The following VPS53 variants were observed in gnomAD, a reference collection of about 807,000 sequenced individuals.
VPS53 encodes vacuolar protein sorting-associated protein 53 homolog.
Under a neutral mutation model 107.0 loss-of-function variants are expected in VPS53, and 70 were observed. The observed-to-expected ratio is 0.65, with a 90% CI of 0.54 to 0.80. The LOEUF (loss-of-function observed/expected upper bound fraction) is 0.80, where lower values mean the gene tolerates loss of function less well. Among genes scored for constraint, VPS53 ranks in the 30% least tolerant of loss-of-function variants. The probability of loss-of-function intolerance (pLI) is 0.00; values close to 1 mark genes in which losing one functional copy is unlikely to be tolerated. For missense variants in VPS53, 917 were observed against 1,049.4 expected, an observed-to-expected ratio of 0.87 and a Z score of 1.74; for synonymous variants, 409 against 393.3, an observed-to-expected ratio of 1.04 and a Z score of -0.47.
At chr17:541,431 C>G (rs1910634662) in intron 17 of VPS53, among the ~76,000 whole-genome samples, 1 of 149,934 alleles carries the variant, frequency 6.7e-6, no homozygotes, top group African/African-American at 2.5e-5. Flanking sequence ...TATCAAGCAC[C>G]TACCATGCAC....
Position 512,801 on chromosome 17 carries a change from T to TA in VPS53, c.*6326dup. ...CTCATGCGTGCAGGAGAGAAATCAC[T>TA]AAAGGACACAAGACTTCCCAAAGAG... is the stretch of plus-strand genomic sequence containing the variant. On this transcript the variant is annotated 3_prime_UTR_variant, in exon 22 of 22. Transcript: ENST00000437048. 1 of 151,608 alleles carries TA rather than the reference T, an allele frequency of 6.6e-6. No homozygotes were observed. Among genetic ancestry groups the TA allele is most frequent in the Middle Eastern group, 3.4e-3 (1 of 292 alleles). The allele number at this position is 151,608 out of a possible 1,614,324, so 9.4% of individuals were successfully genotyped here. A position where few individuals can be genotyped will look rare whatever the true frequency, so the allele number is the denominator to read the frequency against.
chr17:634,460 T>C (rs939728412), intron 7 of VPS53, among the ~76,000 whole-genome samples: 4 of 152,024 alleles, frequency 2.6e-5, no homozygotes, highest in African/African-American at 4.8e-5. Context: ...GTTCGTTACA[T>C]ATGTATACAT....
rs778169375 is a variant in VPS53 at position 627,259 on chromosome 17, C to A, written c.889G>T (p.Asp297Tyr). Reference sequence around the variant, plus strand: ...ATGCGGCCGTATTTCTCCTCATAGTCCACAAGCTGGCGTTTTATCCAGGCA... The same window carrying A: ...ATGCGGCCGTATTTCTCCTCATAGTACACAAGCTGGCGTTTTATCCAGGCA... ...RYAWIKRQLVDYEEKYGRMFP... is the reference protein window; with the variant it reads ...RYAWIKRQLVYYEEKYGRMFP... The change falls in exon 10 of 22, where the codon GAC (aspartate) becomes TAC (tyrosine). Residue 297 changes from aspartate to tyrosine, a missense_variant. By Grantham distance (160) the Asp-to-Tyr change is radical (BLOSUM62 -3). Coordinates refer to ENST00000437048, the MANE Select transcript of VPS53 (RefSeq NM_001128159.3). The A allele has an allele frequency of 3.1e-6, 5 of 1,614,058 alleles. No homozygotes were observed. Among genetic ancestry groups the A allele is most frequent in the Non-Finnish European group, 3.4e-6 (4 of 1,180,004 alleles).
At chr17:600,349 T>C (rs1968272346) in intron 12 of VPS53, among the ~76,000 whole-genome samples, 1 of 152,202 alleles carries the variant, frequency 6.6e-6, no homozygotes, top group Non-Finnish European at 1.5e-5. Context: ...CAAAGCATGC[T>C]CACAGGGCAG....
At chr17:586,408 T>C (rs770282433) in intron 12 of VPS53, 44 bp from the exon 13 acceptor site, 2 of 1,576,454 alleles carry the variant, frequency 1.3e-6, no homozygotes, top group South Asian at 2.2e-5. Flanking sequence ...GAGTGATCTT[T>C]GCAAATGTTC....
intron 7 of VPS53, among the ~76,000 whole-genome samples, chr17:650,276 C>G (rs1376786202): frequency 6.6e-6 from 1 of 152,070 alleles, no homozygotes; most frequent in Non-Finnish European, 1.5e-5. Context: ...AGGAGGATCA[C>G]TTGAGCCCAG....
At chr17:615,056 G>A (rs1175234127) in intron 11 of VPS53, among the ~76,000 whole-genome samples, 1 of 152,196 alleles carries the variant, frequency 6.6e-6, no homozygotes, top group East Asian at 1.9e-4. Flanking sequence ...TGCTCACCTT[G>A]AATCTAATCA....
At chr17:609,283 G>A (rs924731225) in intron 11 of VPS53, among the ~76,000 whole-genome samples, 8 of 152,042 alleles carry the variant, frequency 5.3e-5, no homozygotes, top group Non-Finnish European at 1.0e-4. Context: ...TCTTTCACTC[G>A]GCATGGTGTG....
chr17:554,380 C>T (rs910523841), intron 15 of VPS53, among the ~76,000 whole-genome samples: 5 of 152,194 alleles, frequency 3.3e-5, no homozygotes, highest in African/African-American at 4.8e-5. Flanking sequence ...AAACCTATTA[C>T]ACAAACTCTA....
intron 13 of VPS53, among the ~76,000 whole-genome samples, chr17:570,102 C>A (rs1046463504): frequency 1.3e-5 from 2 of 151,994 alleles, no homozygotes; most frequent in Non-Finnish European, 2.9e-5. Flanking sequence ...CGTGGTAGCT[C>A]ACGCCTGTAA....
At chr17:644,160 C>A (rs1020940175) in intron 7 of VPS53, among the ~76,000 whole-genome samples, 1 of 152,206 alleles carries the variant, frequency 6.6e-6, no homozygotes, top group Non-Finnish European at 1.5e-5. Flanking sequence ...AAACTCTTTC[C>A]TCCAATGCTA....
At chr17:597,870 A>AT (rs925214482) in intron 12 of VPS53, among the ~76,000 whole-genome samples, 16 of 148,134 alleles carry the variant, frequency 1.1e-4, no homozygotes, top group East Asian at 6.0e-4. Context: ...ATTCCCGGCC[A>AT]TTTTTTTTTT....
chr17:529,120 A>G (rs907571499), intron 19 of VPS53, among the ~76,000 whole-genome samples: 5 of 152,158 alleles, frequency 3.3e-5, no homozygotes, highest in African/African-American at 1.2e-4. Flanking sequence ...CCAATTACCC[A>G]GCACTATTTA....
intron 18 of VPS53, 187 bp from the exon 19 acceptor site, chr17:533,098 G>A: frequency 9.7e-7 from 1 of 1,028,904 alleles, no homozygotes; most frequent in Non-Finnish European, 1.4e-6. Flanking sequence ...GTTACATGAG[G>A]CCCTGGCAGG....
intron 4 of VPS53, among the ~76,000 whole-genome samples, chr17:680,183 A>T (rs1402428169): frequency 1.3e-5 from 2 of 152,092 alleles, no homozygotes; most frequent in African/African-American, 4.8e-5. Context: ...TATCCCAGCT[A>T]CTCGGGAGGC....
At chr17:646,196 C>T (rs1202262409) in intron 7 of VPS53, among the ~76,000 whole-genome samples, 1 of 120,042 alleles carries the variant, frequency 8.3e-6, no homozygotes, top group African/African-American at 2.9e-5. Context: ...AGACTGGCTC[C>T]CACACACATC....
At chr17:675,021 C>T (rs892901407) in intron 4 of VPS53, 2 of 152,172 alleles carry the variant, frequency 1.3e-5, no homozygotes, top group African/African-American at 4.8e-5. Context: ...AAAACATTAG[C>T]ATTACAGATC....
In VPS53 at chr17:683,840, A is replaced by G. The variant is rs573467529; in HGVS notation, c.285+13578T>C. ...ATAGCAAGACCCCATCTCTAAAAAT[A>G]TAAAATAAATGTAGAAACTTGAAAA... is the stretch of plus-strand genomic sequence containing the variant. On this transcript the variant is annotated intron_variant, in intron 4 of 21. Coordinates refer to ENST00000437048, the MANE Select transcript of VPS53 (RefSeq NM_001128159.3). 2.7e-4 allele frequency among the ~76,000 whole-genome samples: 41 copies of G among 152,382 alleles called. No individual in the cohort carries two copies. The South Asian group carries it at 8.3e-3, about 31-fold the overall frequency.
At chr17:635,662 C>T (rs1163349333) in intron 7 of VPS53, among the ~76,000 whole-genome samples, 1 of 152,088 alleles carries the variant, frequency 6.6e-6, no homozygotes, top group African/African-American at 2.4e-5. Context: ...GAATCCTTTC[C>T]CCATTTCTTG....
Sources: gnomAD v4.1 joint callset for allele counts (sites outside exome capture counted in the v4.1 genomes callset) on GRCh38, gnomAD v4.1.1 for gene constraint, MANE v1.5 for transcripts, NCBI Gene and HGNC (gene_info 2026-07-23, HGNC 2026-07-21) for gene names.